PRKAA1: variants seen among roughly 807,000 people sequenced by gnomAD.
The protein encoded by PRKAA1 is protein kinase AMP-activated catalytic subunit alpha 1.
A neutral mutation model predicts 56.9 loss-of-function variants in PRKAA1; 23 were observed. The observed-to-expected ratio is 0.40, with a 90% confidence interval of 0.29 to 0.57. PRKAA1 has a LOEUF of 0.57. Among genes scored for constraint, PRKAA1 ranks in the 20% least tolerant of loss-of-function variants. The pLI is 0.39. For missense variants in PRKAA1, 413 were observed against 679.7 expected (o/e 0.61, Z 4.36); for synonymous variants, 226 against 227.0 (o/e 1.00, Z 0.04).
At chr5:40,797,028 C>T (rs1041476654) in intron 1 of PRKAA1, among the ~76,000 whole-genome samples, 1 of 151,266 alleles carries the variant, frequency 6.6e-6, no homozygotes, top group Non-Finnish European at 1.5e-5. Flanking sequence ...GTTTTTTTGC[C>T]AGAATTGGTG....
intron 8 of PRKAA1, among the ~76,000 whole-genome samples, 185 bp from the exon 9 acceptor site, chr5:40,763,207 T>C (rs1361816009): frequency 1.3e-5 from 2 of 152,182 alleles, no homozygotes; most frequent in African/African-American, 4.8e-5. Context: ...ACATATAGTA[T>C]GTATTCTCAA....
intron 4 of PRKAA1, among the ~76,000 whole-genome samples, chr5:40,770,595 CTT>C (rs750590564): frequency 0.01 from 1,145 of 111,798 alleles, 3 homozygotes; most frequent in African/African-American, 0.03. Flanking sequence ...AAAATAAATT[CTT>C]TTTTTTTTTT....
At chr5:40,788,804 G>T (rs532449730) in intron 1 of PRKAA1, among the ~76,000 whole-genome samples, 1 of 152,108 alleles carries the variant, frequency 6.6e-6, no homozygotes, top group African/African-American at 2.4e-5. Context: ...TCCAGCCTGG[G>T]TGACAGAGGG....
intron 8 of PRKAA1, chr5:40,764,302 A>C: frequency 2.3e-6 from 1 of 442,902 alleles, no homozygotes; most frequent in Non-Finnish European, 3.9e-6. Context: ...GGATTTTACA[A>C]GATGATAATC....
intron 1 of PRKAA1, among the ~76,000 whole-genome samples, chr5:40,793,283 T>C (rs181595973): frequency 4.7e-4 from 72 of 152,012 alleles, no homozygotes; most frequent in Admixed American, 4.3e-3. Flanking sequence ...ACCTAACATC[T>C]TGATAACTAG....
intron 4 of PRKAA1, among the ~76,000 whole-genome samples, chr5:40,769,878 T>TAAAC (rs1554031307): frequency 9.1e-6 from 1 of 109,894 alleles, no homozygotes; most frequent in Non-Finnish European, 1.8e-5. Context: ...TCTGATTCTT[T>TAAAC]AAAAAAAAAA....
intron 5 of PRKAA1, chr5:40,769,086 T>G: frequency 1.6e-6 from 1 of 631,274 alleles, no homozygotes; most frequent in Non-Finnish European, 2.6e-6. Context: ...CATGTTTAAT[T>G]TTTCCTCTAA....
At chr5:40,772,627 G>A (rs778189585) in intron 3 of PRKAA1, among the ~76,000 whole-genome samples, 2 of 151,152 alleles carry the variant, frequency 1.3e-5, no homozygotes, top group East Asian at 1.9e-4. Context: ...TTGGGGGGGC[G>A]GGGTTTTAAA....
chr5:40,792,647 C>A (rs1369168863), intron 1 of PRKAA1, among the ~76,000 whole-genome samples: 1 of 152,150 alleles, frequency 6.6e-6, no homozygotes, highest in African/African-American at 2.4e-5. Context: ...TTCATTCACA[C>A]TGATATATAT....
At chr5:40,784,338 C>T (rs1744382877) in intron 1 of PRKAA1, among the ~76,000 whole-genome samples, 1 of 152,130 alleles carries the variant, frequency 6.6e-6, no homozygotes, top group African/African-American at 2.4e-5. Flanking sequence ...ATCTAGCTCC[C>T]ATTCCCATAT....
chr5:40,788,730 G>C (rs754304076), intron 1 of PRKAA1, among the ~76,000 whole-genome samples: 2 of 152,074 alleles, frequency 1.3e-5, no homozygotes, highest in African/African-American at 4.8e-5. Context: ...ATGAGGCTGA[G>C]GCAAAAGAAT....
At chr5:40,779,912 AATG>A (rs1744192364) in intron 1 of PRKAA1, among the ~76,000 whole-genome samples, 1 of 90,818 alleles carries the variant, frequency 1.1e-5, no homozygotes, top group Non-Finnish European at 2.7e-5. Context: ...AAGTGCATAA[AATG>A]AATTAGAATT....
chr5:40,785,561 C>T (rs955100053), intron 1 of PRKAA1, among the ~76,000 whole-genome samples: 2 of 151,886 alleles, frequency 1.3e-5, no homozygotes, highest in African/African-American at 2.4e-5. Context: ...TTTACTAATA[C>T]ATTCTATCAA....
chr5:40,774,210 A>G (rs780810374), intron 3 of PRKAA1, among the ~76,000 whole-genome samples: 30 of 152,314 alleles, frequency 2.0e-4, no homozygotes, highest in Non-Finnish European at 3.5e-4. Flanking sequence ...GAATCACCAA[A>G]TATCTGAAGA....
rs1414109649 is a variant in PRKAA1, at chr5:40,765,164, A to G, written c.896T>C (p.Ile299Thr). The change falls in exon 7 of 9, where the codon ATT becomes ACT. Residue 299 changes from isoleucine (I) to threonine (T), a missense_variant. Around this residue, in one of 9 missense-constraint regions of PRKAA1, gnomAD observed 113 missense variants for 198.6 expected, o/e 0.57. Coordinates refer to ENST00000397128, the MANE Select transcript of PRKAA1 (RefSeq NM_006251.6). ...TACTTCTTTTAAGGCTTCATCATCA[A>G]TCATGGTTGAACTATATGATGGATC... ...PEDPSYSSTM[I>T]DDEALKEVCE... 4.3e-6 allele frequency: 7 copies of G among 1,614,134 alleles called. No individual in the cohort carries two copies. The highest frequency in any genetic ancestry group is 1.6e-4 in the Middle Eastern group (1 of 6,062).
chr5:40,769,879 A>T (rs1333370981), intron 4 of PRKAA1, among the ~76,000 whole-genome samples: 1 of 40,152 alleles, frequency 2.5e-5, no homozygotes. Context: ...CTGATTCTTT[A>T]AAAAAAAAAA....
intron 3 of PRKAA1, among the ~76,000 whole-genome samples, chr5:40,774,132 TC>T (rs1186428848): frequency 1.3e-5 from 2 of 152,198 alleles, no homozygotes; most frequent in Non-Finnish European, 2.9e-5. Context: ...AACCCAGCAA[TC>T]AGTAAGTCCT....
chr5:40,775,097 G>GAT (rs1743933692), intron 3 of PRKAA1: 1 of 792,636 alleles, frequency 1.3e-6, no homozygotes, highest in Non-Finnish European at 2.0e-6. Context: ...CAAAGTATTT[G>GAT]TATACCCTGG....
intron 1 of PRKAA1, among the ~76,000 whole-genome samples, chr5:40,784,493 A>G (rs1744389882): frequency 6.6e-6 from 1 of 152,114 alleles, no homozygotes; most frequent in African/African-American, 2.4e-5. Flanking sequence ...TACACATAAC[A>G]CCAATCCTTG....
Sources: gnomAD v4.1 joint callset for allele counts (sites outside exome capture counted in the v4.1 genomes callset) on GRCh38, gnomAD v4.1.1 for gene constraint, gnomAD v4.1.1 regional missense constraint, MANE v1.5 for transcripts, NCBI Gene and HGNC (gene_info 2026-07-23, HGNC 2026-07-21) for gene names.